The following APBA1 variants were observed in gnomAD, a reference collection of about 807,000 sequenced individuals.
APBA1 encodes the protein amyloid-beta A4 precursor protein-binding family A member 1.
A neutral mutation model predicts 86.6 loss-of-function variants in APBA1; 55 were observed. The ratio of observed to expected loss-of-function variants is 0.64; its 90% CI spans 0.51 to 0.80. The LOEUF is 0.80. APBA1 is among the 30% of genes least tolerant of loss of function. The probability of loss-of-function intolerance (pLI) is 0.00; values close to 1 mark genes in which losing one functional copy is unlikely to be tolerated. For synonymous variants in APBA1, 511 were observed against 493.9 expected (o/e 1.03, Z -0.46); for missense variants, 1,090 against 1,183.0 (o/e 0.92, Z 1.15).
intron 1 of APBA1, among the ~76,000 whole-genome samples, chr9:69,636,950 A>AGAAAGAAG (rs1564099053): frequency 1.2e-3 from 178 of 150,042 alleles, no homozygotes; most frequent in African/African-American, 3.8e-3. Flanking sequence ...AAAGAAAGAA[A>AGAAAGAAG]GAAAGAAAGA....
Position 69,482,388 on chromosome 9 carries a change from G to T in APBA1, c.1201-6245C>A, listed in dbSNP as rs544822524. ...CATGAAAAAATGCTCATCATCACTG[G>T]CCATCAGAGAAATGCAAATCAAAAC... On this transcript the variant is annotated intron_variant, in intron 2 of 12. Coordinates refer to ENST00000265381, the MANE Select transcript of APBA1 (RefSeq NM_001163.4). Among the ~76,000 whole-genome samples the T allele has an allele frequency of 3.2e-3, 483 of 151,562 alleles. 4 individuals are homozygous for T. Among genetic ancestry groups the T allele is most frequent in the African/African-American group, 0.011 (464 of 41,294 alleles).
chr9:69,514,471 C>A (rs772970072), intron 2 of APBA1, among the ~76,000 whole-genome samples: 3 of 152,154 alleles, frequency 2.0e-5, no homozygotes, highest in Non-Finnish European at 4.4e-5. Context: ...CGCCTGTCAT[C>A]CCAGCTACTC....
intron 1 of APBA1, among the ~76,000 whole-genome samples, chr9:69,624,655 C>T (rs1822892872): frequency 6.6e-6 from 1 of 152,148 alleles, no homozygotes; most frequent in South Asian, 2.1e-4. Context: ...GAGGGCAATC[C>T]ATTGAAGTCA....
intron 1 of APBA1, among the ~76,000 whole-genome samples, chr9:69,650,078 C>T (rs756332955): frequency 2.6e-5 from 4 of 152,330 alleles, no homozygotes; most frequent in Middle Eastern, 3.4e-3. Flanking sequence ...GACAGAGTTA[C>T]AGGCAGTGTG....
intron 8 of APBA1, among the ~76,000 whole-genome samples, chr9:69,453,088 G>A (rs1335458438): frequency 6.6e-6 from 1 of 152,200 alleles, no homozygotes; most frequent in Non-Finnish European, 1.5e-5. Context: ...GGTTGCGCCA[G>A]AGCATTTATT....
At position 69,516,174 on chromosome 9, in the gene APBA1, A is replaced by C; in HGVS notation, c.1037T>G (p.Ile346Ser). 2 of 1,610,646 alleles carry C rather than the reference A, an allele frequency of 1.2e-6. No individual in the cohort carries two copies. Among genetic ancestry groups the C allele is most frequent in the Non-Finnish European group, 1.7e-6 (2 of 1,178,502 alleles). Reference sequence around the variant, plus strand: ...CTTGATGTCCTTGATGGCCAGCGAGATGGCATCGCGCTTCTCCTTGCTGTA... The same window carrying C: ...CTTGATGTCCTTGATGGCCAGCGAGCTGGCATCGCGCTTCTCCTTGCTGTA... ...QRYSKEKRDA[I>S]SLAIKDIKEA... The change falls in exon 2 of 13, where the codon ATC (isoleucine) becomes AGC (serine). Residue 346 changes from isoleucine to serine, a missense_variant. Ile to Ser is a moderately radical substitution (Grantham distance 142). Around this residue, in one of 6 missense-constraint regions of APBA1, gnomAD observed 678 missense variants for 647.1 expected, o/e 1.05. Coordinates refer to ENST00000265381, the MANE Select transcript of APBA1 (RefSeq NM_001163.4). This position sits in a 1 kb window ranked among gnomAD's most constrained non-coding sequence, Gnocchi z 7.3.
chr9:69,463,093 A>G (rs1340560259), intron 5 of APBA1: 3 of 125,524 alleles, frequency 2.4e-5, no homozygotes, highest in Non-Finnish European at 3.4e-5. Flanking sequence ...AAAACAAAAC[A>G]AAAAAATGTT....
chr9:69,662,061 T>A (rs759304533), intron 1 of APBA1, among the ~76,000 whole-genome samples: 42 of 146,670 alleles, frequency 2.9e-4, no homozygotes, highest in Non-Finnish European at 5.7e-4. Context: ...CACACAGACA[T>A]CCCAAGTAGG....
intron 1 of APBA1, among the ~76,000 whole-genome samples, chr9:69,533,293 A>G (rs1346494552): frequency 1.3e-5 from 2 of 152,130 alleles, no homozygotes; most frequent in Non-Finnish European, 1.5e-5. Context: ...GGGGACTGGG[A>G]TGGGATAGAG....
chr9:69,500,036 A>T (rs1835858258), intron 2 of APBA1, among the ~76,000 whole-genome samples: 1 of 152,144 alleles, frequency 6.6e-6, no homozygotes, highest in Admixed American at 6.5e-5. Context: ...GCATGTTGCC[A>T]TTATCACTAA....
intron 1 of APBA1, among the ~76,000 whole-genome samples, chr9:69,564,711 C>A (rs1197560501): frequency 6.6e-6 from 1 of 152,168 alleles, no homozygotes; most frequent in Non-Finnish European, 1.5e-5. Context: ...TGGCACCCTT[C>A]CTGCATTGCT....
intron 1 of APBA1, among the ~76,000 whole-genome samples, chr9:69,602,489 T>C (rs1564089018): frequency 6.6e-6 from 1 of 151,908 alleles, no homozygotes; most frequent in African/African-American, 2.4e-5. Flanking sequence ...GAGAATGGCA[T>C]GAACCTGGGA....
At chr9:69,517,388 G>T in intron 1 of APBA1, 109 bp from the exon 2 acceptor site, 2 of 1,139,782 alleles carry the variant, frequency 1.8e-6, no homozygotes, top group Non-Finnish European at 2.3e-6. Context: ...TTAGTTCTGG[G>T]TCAATTAAAA....
chr9:69,597,601 G>GA (rs1564087812), intron 1 of APBA1, among the ~76,000 whole-genome samples: 4 of 152,084 alleles, frequency 2.6e-5, no homozygotes, highest in African/African-American at 9.7e-5. Flanking sequence ...CCTATGTCTT[G>GA]AATGGTAATG....
rs536640687 is a variant in APBA1, at chr9:69,613,539, CT to C, written c.-70+58613del. Among the ~76,000 whole-genome samples, 12 of 152,202 alleles carry C rather than the reference CT, an allele frequency of 7.9e-5. No individual in the cohort carries two copies. In the South Asian group the frequency reaches 2.5e-3, roughly 32 times the overall value. On this transcript the variant is annotated intron_variant, in intron 1 of 12. Transcript: ENST00000265381. ...ACATCATTGCCTTAAGCTTTTTCCC[CT>C]TGAGAGGATATATCTTTTGCTTGGC...
intron 2 of APBA1, among the ~76,000 whole-genome samples, chr9:69,486,854 T>A (rs1461401803): frequency 9.4e-6 from 1 of 105,834 alleles, no homozygotes; most frequent in African/African-American, 3.4e-5. Context: ...AGTAGATATT[T>A]TTTTTTTCTT....
chr9:69,452,172 T>A lies in APBA1; in HGVS notation c.1918A>T (p.Met640Leu). ...AAGTGGATCAGGTCATCGTTGTACA[T>A]GTCCTGGGTATTGAGCAGGTCACTA... ...EYSDLLNTQD[M>L]YNDDLIHFSK... Residue 640 changes from methionine to leucine, a missense_variant, in exon 9 of 13, where the codon ATG becomes TTG. This residue lies in a region of APBA1 where 97 missense variants were observed against 166.8 expected (regional missense o/e 0.58). Transcript: ENST00000265381. The A allele has an allele frequency of 6.2e-7, 1 of 1,614,212 alleles. No individual in the cohort carries two copies. Among genetic ancestry groups the A allele is most frequent in the Non-Finnish European group, 8.5e-7 (1 of 1,180,032 alleles).
Position 69,590,788 on chromosome 9 carries a change from G to T in APBA1, c.-69-73509C>A, listed in dbSNP as rs530324736. Among the ~76,000 whole-genome samples the T allele has an allele frequency of 3.6e-4, 55 of 152,274 alleles. 1 individual carries two copies. The highest frequency in any genetic ancestry group is 1.8e-4 in the Non-Finnish European group (12 of 68,018). On this transcript the variant is annotated intron_variant, in intron 1 of 12. Coordinates refer to ENST00000265381, the MANE Select transcript of APBA1 (RefSeq NM_001163.4). ...TCACTCCCAGCTTCGCCAGGGTGGG[G>T]GTGGGCAGGGGACATGGCTGGGTAC...
Position 69,516,207 on chromosome 9 carries a change from C to G in APBA1, c.1004G>C (p.Gly335Ala), listed in dbSNP as rs1291544423. The part of the protein sequence containing the change: ...AVGPAGGGEA[G>A]QRYSKEKRDA... ...GCGCTTCTCCTTGCTGTACCGCTGC[C>G]CCGCCTCGCCGCCGCCCGCGGGGCC... The change falls in exon 2 of 13, where the codon GGG (glycine) becomes GCG (alanine). Residue 335 changes from glycine (G) to alanine (A), a missense_variant. Physicochemically the swap from Gly to Ala is moderately conservative, Grantham distance 60. Around this residue, in one of 6 missense-constraint regions of APBA1, gnomAD observed 678 missense variants for 647.1 expected, o/e 1.05. Transcript: ENST00000265381. This position sits in a 1 kb window ranked among gnomAD's most constrained non-coding sequence, Gnocchi z 7.3. 1 of 1,523,390 alleles carries G rather than the reference C, an allele frequency of 6.6e-7. No individual in the cohort carries two copies. The highest frequency in any genetic ancestry group is 8.8e-7 in the Non-Finnish European group (1 of 1,134,296). The allele number at this position is 1,523,390 out of a possible 1,614,324, so 94.4% of individuals were successfully genotyped here. A position where few individuals can be genotyped will look rare whatever the true frequency, so the allele number is the denominator to read the frequency against.
Sources: allele counts gnomAD v4.1 joint callset (sites outside exome capture counted in the v4.1 genomes callset), GRCh38; gene constraint gnomAD v4.1.1; regional missense constraint gnomAD v4.1.1; non-coding constraint Gnocchi (gnomAD v3.1); transcripts MANE v1.5; gene names NCBI Gene and HGNC (gene_info 2026-07-23, HGNC 2026-07-21).